The following KLF13 variants were observed in gnomAD, a reference collection of about 807,000 sequenced individuals.
KLF13 encodes the protein KLF transcription factor 13.
KLF13 carries 8 observed loss-of-function variants against 16.7 expected under a neutral mutation model. The observed-to-expected ratio is 0.48, with a 90% CI of 0.28 to 0.87. The LOEUF is 0.87. Among genes scored for constraint, KLF13 ranks in the 40% least tolerant of loss-of-function variants. The pLI is 0.10. For missense variants in KLF13, 447 were observed against 452.2 expected, an observed-to-expected ratio of 0.99 and a Z score of 0.10; for synonymous variants, 245 against 208.4, an observed-to-expected ratio of 1.18 and a Z score of -1.51.
At chr15:31,370,052 T>TC (rs1162926143) in intron 1 of KLF13, among the ~76,000 whole-genome samples, 1 of 149,648 alleles carries the variant, frequency 6.7e-6, no homozygotes, top group Non-Finnish European at 1.5e-5. Flanking sequence ...TTCTTTTTTT[T>TC]TTTTTTTTTT....
chr15:31,355,894 G>A (rs999926558), intron 1 of KLF13, among the ~76,000 whole-genome samples: 4 of 151,952 alleles, frequency 2.6e-5, no homozygotes, highest in African/African-American at 9.7e-5. Flanking sequence ...TAACATCTCT[G>A]TGGGGGTTGG....
At chr15:31,423,107 G>GTATATGTATA (rs1412478799) in intron 1 of KLF13, among the ~76,000 whole-genome samples, 1 of 26,394 alleles carries the variant, frequency 3.8e-5, no homozygotes, top group African/African-American at 4.0e-4. Flanking sequence ...ATACGTATAC[G>GTATATGTATA]TATACGTATA....
chr15:31,395,830 A>C (rs1466101851), intron 2 of KLF13, among the ~76,000 whole-genome samples: 2 of 152,182 alleles, frequency 1.3e-5, no homozygotes, highest in Non-Finnish European at 2.9e-5. Context: ...GAAACCCCCA[A>C]AGTATGTGGA....
chr15:31,395,322 A>G (rs1172402439), intron 2 of KLF13, among the ~76,000 whole-genome samples: 1 of 152,064 alleles, frequency 6.6e-6, no homozygotes, highest in African/African-American at 2.4e-5. Context: ...TCGTATGGAT[A>G]TACTATTTTT....
chr15:31,381,489 C>T (rs1441407741), downstream of KLF13, among the ~76,000 whole-genome samples: 1 of 152,112 alleles, frequency 6.6e-6, no homozygotes, highest in Non-Finnish European at 1.5e-5. Context: ...TTACCCTGTG[C>T]GGCTGAGATG....
At chr15:31,393,137 C>T (rs1047806190) in exon 1 of KLF13, 5 of 152,392 alleles carry the variant, frequency 3.3e-5, no homozygotes, top group Non-Finnish European at 5.9e-5. Context: ...CTCCAGGGGC[C>T]TCTAGATCCC....
intron 1 of KLF13, chr15:31,420,665 G>T: frequency 2.7e-6 from 1 of 363,756 alleles, no homozygotes; most frequent in Non-Finnish European, 5.2e-6. Flanking sequence ...CCCTGACCCA[G>T]GCTGCCCAGA....
At position 31,347,786 on chromosome 15, in the gene KLF13, G is replaced by A. The variant is rs541662576; in HGVS notation, c.577+19997G>A. Among the ~76,000 whole-genome samples the A allele has an allele frequency of 8.9e-4, 135 of 152,392 alleles. 1 individual carries two copies. The highest frequency in any genetic ancestry group is 3.1e-3 in the African/African-American group (131 of 41,592). On this transcript the variant is annotated intron_variant, in intron 1 of 1. Transcript: ENST00000307145. ...TCTGTCTGCCCTTCCACCCCCTCCA[G>A]CCTCTGGGGCCCTGGGGCAGCATAT...
intron 1 of KLF13, among the ~76,000 whole-genome samples, chr15:31,432,414 C>T (rs1421415993): frequency 1.4e-5 from 2 of 140,392 alleles, no homozygotes; most frequent in Non-Finnish European, 3.1e-5. Flanking sequence ...CTTGATTCCT[C>T]CCTTTTCTTG....
At chr15:31,363,518 A>G (rs968891116) in intron 1 of KLF13, among the ~76,000 whole-genome samples, 2 of 152,094 alleles carry the variant, frequency 1.3e-5, no homozygotes, top group Non-Finnish European at 2.9e-5. Context: ...ACTGAGTCTC[A>G]CTCTGTCACC....
rs148870602 is a variant in KLF13 at position 31,341,350 on chromosome 15, G to A, written c.577+13561G>A. ...GGGGTGTGTGTGCGTGTGTGTTCAC[G>A]TGTGTGTACGTGTGTGTGTCGGGTA... On this transcript the variant is annotated intron_variant, in intron 1 of 1. Coordinates refer to ENST00000307145, the MANE Select transcript of KLF13 (RefSeq NM_015995.4). 3.9e-5 allele frequency among the ~76,000 whole-genome samples: 6 copies of A among 152,240 alleles called. No homozygotes were observed. In the East Asian group the frequency reaches 7.7e-4, roughly 20 times the overall value.
rs920579091 is a variant in KLF13, at chr15:31,375,234, G to C, written c.*2935G>C. 5.3e-5 allele frequency: 8 copies of C among 152,226 alleles called. No homozygotes were observed. The highest frequency in any genetic ancestry group is 1.7e-4 in the African/African-American group (7 of 41,426). The allele number at this position is 152,226 out of a possible 1,614,324, so 9.4% of individuals were successfully genotyped here. ...GGTTCACAGGGGTCCTCAAGGGCAG[G>C]TTTCCATTTCATCATGAAGTGAGGG... On this transcript the variant is annotated 3_prime_UTR_variant, in exon 2 of 2. Coordinates refer to ENST00000307145, the MANE Select transcript of KLF13 (RefSeq NM_015995.4).
At position 31,372,447 on chromosome 15, in the gene KLF13, A is replaced by C. The variant is rs1323283535; in HGVS notation, c.*148A>C. ...CAGGTGTCAAAGTAAATTTGTTAAA[A>C]AAACAAAAAAAACACAAAAATTTCA... is the stretch of plus-strand genomic sequence containing the variant. On this transcript the variant is annotated 3_prime_UTR_variant, in exon 2 of 2. Transcript: ENST00000307145. 2 of 881,586 alleles carry C rather than the reference A, an allele frequency of 2.3e-6. No homozygotes were observed. The highest frequency in any genetic ancestry group is 3.7e-4 in the Middle Eastern group (1 of 2,734). The allele number at this position is 881,586 out of a possible 1,614,324, so 54.6% of individuals were successfully genotyped here.
chr15:31,406,020 A>G (rs891953434), downstream of KLF13, among the ~76,000 whole-genome samples: 4 of 152,232 alleles, frequency 2.6e-5, no homozygotes, highest in African/African-American at 9.6e-5. Context: ...CAGGGAATCA[A>G]AAAAGTTTAG....
downstream of KLF13, among the ~76,000 whole-genome samples, chr15:31,381,682 A>G (rs2039728233): frequency 6.6e-6 from 1 of 152,240 alleles, no homozygotes. Context: ...CCATGACCCA[A>G]GCAAATTCAC....
chr15:31,415,837 G>T (rs2040248265), intron 1 of KLF13, among the ~76,000 whole-genome samples: 2 of 151,370 alleles, frequency 1.3e-5, no homozygotes, highest in African/African-American at 4.9e-5. Context: ...AAAAATAATA[G>T]AAAAAATTGA....
intron 1 of KLF13, among the ~76,000 whole-genome samples, chr15:31,353,092 C>T (rs1022120815): frequency 6.6e-6 from 1 of 152,134 alleles, no homozygotes; most frequent in Non-Finnish European, 1.5e-5. Context: ...GGACCCTGGG[C>T]CAGGGGGCTG....
chr15:31,383,250 C>T (rs4268714), intron 1 of KLF13, among the ~76,000 whole-genome samples: 92,125 of 152,054 alleles, frequency 0.61, 28,955 homozygotes, highest in South Asian at 0.76. Context: ...CTGAGATCGA[C>T]TGTTGGCCTG....
chr15:31,385,320 C>A (rs1489490414), intron 1 of KLF13, among the ~76,000 whole-genome samples: 1 of 152,188 alleles, frequency 6.6e-6, no homozygotes, highest in Non-Finnish European at 1.5e-5. Context: ...AAAGTCAGGA[C>A]AAGGTGACTG....
Sources: gnomAD v4.1 joint callset for allele counts (sites outside exome capture counted in the v4.1 genomes callset) on GRCh38, gnomAD v4.1.1 for gene constraint, MANE v1.5 for transcripts, NCBI Gene and HGNC (gene_info 2026-07-23, HGNC 2026-07-21) for gene names.